The following GPR158 variants were observed in gnomAD, a reference collection of about 807,000 sequenced individuals.
The protein encoded by GPR158 is metabotropic glycine receptor.
In GPR158, 30 loss-of-function variants were observed where a neutral mutation model predicts 78.2. The observed-to-expected ratio is 0.38, with a 90% CI of 0.29 to 0.52. The LOEUF (loss-of-function observed/expected upper bound fraction) is 0.52. GPR158 is among the 20% of genes least tolerant of loss of function. The pLI is 0.83. For missense variants in GPR158, 1,463 were observed against 1,523.5 expected (o/e 0.96, Z 0.66); for synonymous variants, 581 against 591.1 (o/e 0.98, Z 0.25).
rs568373236 is a variant in GPR158 at position 25,513,556 on chromosome 10, C to T, written c.1405-37420C>T. Among the ~76,000 whole-genome samples the T allele has an allele frequency of 5.2e-4, 79 of 151,060 alleles. No individual in the cohort carries two copies. The South Asian group carries it at 7.5e-3, about 14-fold the overall frequency. On this transcript the variant is annotated intron_variant, in intron 5 of 10. Transcript: ENST00000376351. The stretch of plus-strand genomic sequence containing the variant: ...GATATTCGTTGTTTCTTTTCTTCTG[C>T]TGAGTTTGGGTTTGGATTGTTCCTT...
At chr10:25,536,154 C>T (rs1461843797) in intron 5 of GPR158, among the ~76,000 whole-genome samples, 1 of 151,900 alleles carries the variant, frequency 6.6e-6, no homozygotes, top group African/African-American at 2.4e-5. Flanking sequence ...TAGTAGGTAG[C>T]TCATATATTT....
chr10:25,492,894 TA>T (rs1835829798), intron 5 of GPR158, among the ~76,000 whole-genome samples: 1 of 148,372 alleles, frequency 6.7e-6, no homozygotes, highest in Admixed American at 6.8e-5. Context: ...AAACAAATAT[TA>T]ATATATTAAT....
intron 2 of GPR158, among the ~76,000 whole-genome samples, chr10:25,252,988 A>C (rs990275766): frequency 2.0e-5 from 3 of 152,244 alleles, no homozygotes; most frequent in South Asian, 2.1e-4. Flanking sequence ...TAGGACCCTC[A>C]GAGCCAGGTG....
At chr10:25,255,484 T>G (rs55899843) in intron 2 of GPR158, among the ~76,000 whole-genome samples, 18,081 of 152,274 alleles carry the variant, frequency 0.12, 1,965 homozygotes, top group African/African-American at 0.29. Flanking sequence ...TCTCTAGGCT[T>G]CAGCTGGGGC....
At position 25,415,107 on chromosome 10, in the gene GPR158, T is replaced by C. The variant is rs943521970; in HGVS notation, c.1335+2634T>C. ...GAGAAAACATTGACATAAATCTTCA[T>C]GACCTTCAGTTAAGCAGTGGGTTCT... On this transcript the variant is annotated intron_variant, in intron 4 of 10. Coordinates refer to ENST00000376351, the MANE Select transcript of GPR158 (RefSeq NM_020752.3). Among the ~76,000 whole-genome samples, 11 of 152,268 alleles carry C rather than the reference T, an allele frequency of 7.2e-5. No individual in the cohort carries two copies. In the East Asian group the frequency reaches 2.1e-3, roughly 29 times the overall value.
chr10:25,392,085 G>T (rs1196586763), intron 2 of GPR158, among the ~76,000 whole-genome samples: 2 of 152,156 alleles, frequency 1.3e-5, no homozygotes, highest in Non-Finnish European at 2.9e-5. Context: ...GGCCTCCCCA[G>T]CCATGTGGAA....
chr10:25,591,916 GGAGAAAGCAA>G (rs1837345887), intron 8 of GPR158, among the ~76,000 whole-genome samples: 1 of 151,866 alleles, frequency 6.6e-6, no homozygotes, highest in African/African-American at 2.4e-5. Flanking sequence ...GAATTGATAG[GGAGAAAGCAA>G]TAGGCAATAA....
chr10:25,359,595 T>G (rs1219858600), intron 2 of GPR158, among the ~76,000 whole-genome samples: 2 of 152,216 alleles, frequency 1.3e-5, no homozygotes, highest in African/African-American at 4.8e-5. Flanking sequence ...AACTCATCCT[T>G]TTTTATGGCC....
intron 6 of GPR158, among the ~76,000 whole-genome samples, chr10:25,551,985 A>T (rs1378384513): frequency 1.3e-5 from 2 of 152,190 alleles, no homozygotes; most frequent in Admixed American, 1.3e-4. Context: ...TGGTTTAATT[A>T]CACTGTCTAC....
In GPR158 at chr10:25,598,332, T is replaced by C; in HGVS notation, c.2706T>C (p.Ser902=). The C allele has an allele frequency of 1.2e-6, 2 of 1,614,000 alleles. No individual in the cohort carries two copies. Among genetic ancestry groups the C allele is most frequent in the Non-Finnish European group, 1.7e-6 (2 of 1,180,008 alleles). The change falls in exon 11 of 11, where the codon TCT becomes TCC. Residue 902 remains serine (S), a synonymous_variant. Coordinates refer to ENST00000376351, the MANE Select transcript of GPR158 (RefSeq NM_020752.3). ...CACGAACATCGATGTTACAGAAGTC[T>C]CTCAGTGTCATAGCAAGCGCCAAGG... ...GHPRTSMLQK[S]LSVIASAKEK...
chr10:25,361,973 G>A (rs1338140562), intron 2 of GPR158, among the ~76,000 whole-genome samples: 1 of 151,854 alleles, frequency 6.6e-6, no homozygotes, highest in Non-Finnish European at 1.5e-5. Flanking sequence ...AACTTTTTAA[G>A]CTTGATTTAG....
intron 2 of GPR158, among the ~76,000 whole-genome samples, chr10:25,377,866 T>A (rs552956735): frequency 6.6e-6 from 1 of 152,120 alleles, no homozygotes; most frequent in African/African-American, 2.4e-5. Context: ...TGTAGACATA[T>A]GTTTTCAATT....
chr10:25,248,329 C>T (rs1382620899), intron 2 of GPR158, among the ~76,000 whole-genome samples: 1 of 152,140 alleles, frequency 6.6e-6, no homozygotes, highest in Non-Finnish European at 1.5e-5. Flanking sequence ...AATTAGATCC[C>T]ATTTGTCAAT....
chr10:25,541,832 T>C (rs933684550), intron 5 of GPR158, among the ~76,000 whole-genome samples: 1 of 151,348 alleles, frequency 6.6e-6, no homozygotes, highest in Non-Finnish European at 1.5e-5. Flanking sequence ...ATTCTTCCCA[T>C]GTTGTTAGGA....
Position 25,598,983 on chromosome 10 carries a change from A to T in GPR158, c.3357A>T (p.Glu1119Asp). 1 of 1,613,660 alleles carries T rather than the reference A, an allele frequency of 6.2e-7. No homozygotes were observed. The highest frequency in any genetic ancestry group is 1.1e-5 in the South Asian group (1 of 91,042). ...AANVCAGQSE[E>D]LPPKAVASKT... ...ATGTGTGTGCTGGGCAGAGCGAAGAACTGCCCCCCAAAGCTGTAGCATCAA... is the reference window on the plus strand; with the variant it reads ...ATGTGTGTGCTGGGCAGAGCGAAGATCTGCCCCCCAAAGCTGTAGCATCAA... Residue 1119 changes from glutamate (E) to aspartate (D), a missense_variant, in exon 11 of 11, where the codon GAA becomes GAT. By Grantham distance (45) the Glu-to-Asp change is conservative (BLOSUM62 2). Transcript: ENST00000376351.
At chr10:25,372,094 A>C (rs868363599) in intron 2 of GPR158, among the ~76,000 whole-genome samples, 1,150 of 53,296 alleles carry the variant, frequency 0.022, 10 homozygotes, top group Middle Eastern at 0.091. Flanking sequence ...CAGCCAAAAA[A>C]CACATGAAAA....
chr10:25,585,384 T>A (rs1162688482), intron 7 of GPR158, among the ~76,000 whole-genome samples: 4 of 152,246 alleles, frequency 2.6e-5, no homozygotes, highest in Non-Finnish European at 2.9e-5. Context: ...ACTCAGTTCC[T>A]GCCCCGTAGT....
intron 1 of GPR158, among the ~76,000 whole-genome samples, chr10:25,198,169 G>GAT (rs1404933924): frequency 6.6e-6 from 1 of 152,218 alleles, no homozygotes; most frequent in Non-Finnish European, 1.5e-5. Flanking sequence ...GTAGAGGATA[G>GAT]ATATTCCATG....
chr10:25,233,164 A>G (rs1433695952), intron 2 of GPR158, among the ~76,000 whole-genome samples: 11 of 152,220 alleles, frequency 7.2e-5, no homozygotes, highest in Non-Finnish European at 5.9e-5. Context: ...CGCTGTCTCC[A>G]GAAAGGAATA....
Sources: gnomAD v4.1 joint callset for allele counts (sites outside exome capture counted in the v4.1 genomes callset) on GRCh38, gnomAD v4.1.1 for gene constraint, MANE v1.5 for transcripts, NCBI Gene and HGNC (gene_info 2026-07-23, HGNC 2026-07-21) for gene names.